The following TRAM2 variants were observed in gnomAD, a reference collection of about 807,000 sequenced individuals.
TRAM2 encodes the protein translocation associated membrane protein 2.
Under a neutral mutation model 51.0 loss-of-function variants are expected in TRAM2, and 12 were observed. The ratio of observed to expected loss-of-function variants is 0.24; its 90% CI spans 0.15 to 0.38. The LOEUF is 0.38. Among genes scored for constraint, TRAM2 ranks in the 10% least tolerant of loss-of-function variants. The probability of loss-of-function intolerance (pLI) is 1.00; values close to 1 mark genes in which losing one functional copy is unlikely to be tolerated. For missense variants in TRAM2, 361 were observed against 462.0 expected, an observed-to-expected ratio of 0.78 and a Z score of 2.00; for synonymous variants, 175 against 179.4, an observed-to-expected ratio of 0.98 and a Z score of 0.20.
intron 1 of TRAM2, among the ~76,000 whole-genome samples, chr6:52,568,968 C>T (rs981350081): frequency 1.3e-5 from 2 of 152,108 alleles, no homozygotes; most frequent in African/African-American, 4.8e-5. Flanking sequence ...GCTCCACCAA[C>T]CCAAAAAAGA....
At chr6:52,517,915 G>A (rs184973763) in intron 2 of TRAM2, among the ~76,000 whole-genome samples, 1 of 152,284 alleles carries the variant, frequency 6.6e-6, no homozygotes, top group African/African-American at 2.4e-5. Context: ...GTGGGAGGAG[G>A]TGGCGAGGAC....
In TRAM2 at chr6:52,543,111, G is replaced by A. The variant is rs192455610; in HGVS notation, c.121-7265C>T. 2.9e-4 allele frequency among the ~76,000 whole-genome samples: 44 copies of A among 152,174 alleles called. No homozygotes were observed. The East Asian group carries it at 7.5e-3, about 26-fold the overall frequency. On this transcript the variant is annotated intron_variant, in intron 1 of 10. Coordinates refer to ENST00000182527, the MANE Select transcript of TRAM2 (RefSeq NM_012288.4). ...ATAGATAGCCTTATATAAAACATAC[G>A]AATTTGCTGAAGTAAATGTATTACT...
At chr6:52,517,693 A>C (rs1766577115) in intron 2 of TRAM2, among the ~76,000 whole-genome samples, 1 of 152,204 alleles carries the variant, frequency 6.6e-6, no homozygotes, top group Non-Finnish European at 1.5e-5. Flanking sequence ...CCACCAGGCA[A>C]ATGGCTGCTC....
At chr6:52,551,250 C>G (rs1442977967) in intron 1 of TRAM2, among the ~76,000 whole-genome samples, 1 of 152,060 alleles carries the variant, frequency 6.6e-6, no homozygotes, top group Non-Finnish European at 1.5e-5. Context: ...TTTGGAAAAA[C>G]ATATCCGTTA....
chr6:52,572,922 A>G (rs1767704108), intron 1 of TRAM2, among the ~76,000 whole-genome samples: 1 of 152,192 alleles, frequency 6.6e-6, no homozygotes, highest in Non-Finnish European at 1.5e-5. Flanking sequence ...TCTGCCTCTA[A>G]AACAATCAAA....
At chr6:52,528,113 T>C (rs375065445) in intron 2 of TRAM2, among the ~76,000 whole-genome samples, 703 of 152,238 alleles carry the variant, frequency 4.6e-3, no homozygotes, top group Non-Finnish European at 8.0e-3. Context: ...ACTGCCCCAT[T>C]TGATAAACCC....
intron 7 of TRAM2, 39 bp from the exon 8 acceptor site, chr6:52,506,175 ATGC>A (rs775156954): frequency 1.3e-6 from 2 of 1,575,376 alleles, no homozygotes; most frequent in Admixed American, 1.7e-5. Flanking sequence ...TCCCTCCAAG[ATGC>A]TGCGTGGAGC....
At chr6:52,564,030 A>G (rs1394094746) in intron 1 of TRAM2, among the ~76,000 whole-genome samples, 6 of 152,140 alleles carry the variant, frequency 3.9e-5, no homozygotes, top group African/African-American at 1.4e-4. Context: ...AACCCAAAAG[A>G]GACAGCAGGG....
In TRAM2 at chr6:52,519,025, A is replaced by T. The variant is rs143903535; in HGVS notation, c.185-2288T>A. ...CCAAATACTAGGGTTCCAAAGAAAT[A>T]TGACTATAATCTGAAATCCTTCTTG... On this transcript the variant is annotated intron_variant, in intron 2 of 10. Coordinates refer to ENST00000182527, the MANE Select transcript of TRAM2 (RefSeq NM_012288.4). 4.5e-3 allele frequency among the ~76,000 whole-genome samples: 678 copies of T among 152,326 alleles called. 13 individuals are homozygous for T. In the South Asian group the frequency reaches 0.073, roughly 16 times the overall value.
At chr6:52,507,662 C>T (rs1766374196) in intron 6 of TRAM2, 39 bp from the exon 7 acceptor site, 1 of 1,602,330 alleles carries the variant, frequency 6.2e-7, no homozygotes, top group African/African-American at 1.3e-5. Context: ...TTGCTAATTC[C>T]CTAACTGAAG....
chr6:52,549,266 C>CCCTT, intron 1 of TRAM2, among the ~76,000 whole-genome samples: 1 of 135,248 alleles, frequency 7.4e-6, no homozygotes, highest in South Asian at 2.8e-4. Context: ...TTCCCTCCTT[C>CCCTT]CCTCCCTCCC....
intron 1 of TRAM2, among the ~76,000 whole-genome samples, chr6:52,546,597 T>A (rs1327139881): frequency 6.6e-6 from 1 of 152,178 alleles, no homozygotes; most frequent in East Asian, 1.9e-4. Context: ...TGGCCAAAAG[T>A]GGTGCTCAGG....
At chr6:52,526,207 A>ACACG (rs1766778777) in intron 2 of TRAM2, among the ~76,000 whole-genome samples, 1 of 148,496 alleles carries the variant, frequency 6.7e-6, no homozygotes, top group African/African-American at 2.5e-5. Flanking sequence ...ACACACACAC[A>ACACG]CGCCAGAGAA....
At position 52,570,802 on chromosome 6, in the gene TRAM2, C is replaced by CA. The variant is rs1014957682; in HGVS notation, c.120+5993_120+5994insT. ...CAATCCTCCCTGCCCACCACCCCCCCCCCCACACGCACACACACTCTGCCT... is the reference window on the plus strand; with the variant it reads ...CAATCCTCCCTGCCCACCACCCCCCCACCCCACACGCACACACACTCTGCCT... On this transcript the variant is annotated intron_variant, in intron 1 of 10. Transcript: ENST00000182527. 4.1e-5 allele frequency among the ~76,000 whole-genome samples: 5 copies of CA among 120,930 alleles called. 1 individual carries two copies. The highest frequency in any genetic ancestry group is 7.9e-5 in the Admixed American group (1 of 12,664). 79.3% of individuals were successfully genotyped at this position (120,930 alleles called of 152,430 possible).
At chr6:52,516,603 C>T (rs762216417) in intron 3 of TRAM2, 25 bp downstream of exon 3, 2 of 1,599,358 alleles carry the variant, frequency 1.3e-6, no homozygotes, top group Non-Finnish European at 1.7e-6. Flanking sequence ...AGCTTCTGAT[C>T]TCAGAATCCA....
intron 2 of TRAM2, among the ~76,000 whole-genome samples, chr6:52,534,349 C>A (rs562653272): frequency 5.3e-5 from 8 of 152,182 alleles, no homozygotes; most frequent in Non-Finnish European, 1.0e-4. Flanking sequence ...CCATTGCACT[C>A]CAGCCTGGGC....
intron 2 of TRAM2, chr6:52,517,393 C>T (rs1450647852): frequency 6.6e-6 from 1 of 152,216 alleles, no homozygotes; most frequent in Non-Finnish European, 1.5e-5. Flanking sequence ...TATGCACTTG[C>T]TATTATTTTT....
At chr6:52,510,074 G>T (rs1180843975) in intron 4 of TRAM2, among the ~76,000 whole-genome samples, 1 of 152,144 alleles carries the variant, frequency 6.6e-6, no homozygotes, top group Non-Finnish European at 1.5e-5. Context: ...CTGGAAAAAT[G>T]AAAAGCCTAC....
intron 1 of TRAM2, among the ~76,000 whole-genome samples, chr6:52,544,206 G>C (rs78934596): frequency 0.11 from 16,984 of 152,166 alleles, 1,032 homozygotes; most frequent in Non-Finnish European, 0.12. Flanking sequence ...AATTCCTCTG[G>C]GTATTTGTGT....
Sources: gnomAD v4.1 joint callset for allele counts (sites outside exome capture counted in the v4.1 genomes callset) on GRCh38, gnomAD v4.1.1 for gene constraint, MANE v1.5 for transcripts, NCBI Gene and HGNC (gene_info 2026-07-23, HGNC 2026-07-21) for gene names.